The following SEC14L5 variants were observed in gnomAD, a reference collection of about 807,000 sequenced individuals.
The protein encoded by SEC14L5 is SEC14-like protein 5.
A neutral mutation model predicts 84.6 loss-of-function variants in SEC14L5; 96 were observed. That is an observed-to-expected ratio of 1.13 (90% confidence interval 0.96 to 1.34). SEC14L5 has a LOEUF of 1.34. Among genes scored for constraint, SEC14L5 ranks in the 40% most tolerant of loss-of-function variants. The pLI is 0.00. For synonymous variants in SEC14L5, 546 were observed against 383.4 expected, an observed-to-expected ratio of 1.42 and a Z score of -4.95; for missense variants, 1,224 against 942.5, an observed-to-expected ratio of 1.30 and a Z score of -3.91.
At chr16:4,975,081 G>A (rs1396774179) in intron 2 of SEC14L5, among the ~76,000 whole-genome samples, 9 of 151,934 alleles carry the variant, frequency 5.9e-5, no homozygotes, top group Non-Finnish European at 8.8e-5. Flanking sequence ...CCCAGCTTGC[G>A]TCCTCATATC....
intron 10 of SEC14L5, among the ~76,000 whole-genome samples, chr16:5,002,599 C>T (rs187777159): frequency 8.1e-4 from 124 of 152,260 alleles, no homozygotes; most frequent in African/African-American, 2.9e-3. Context: ...TAATTCACCC[C>T]AGATGGCTCA....
chr16:4,983,857 A>G (rs1402452954), intron 2 of SEC14L5, among the ~76,000 whole-genome samples: 3 of 149,956 alleles, frequency 2.0e-5, no homozygotes, highest in Non-Finnish European at 2.9e-5. Flanking sequence ...ACCCTGGGTG[A>G]CAAGAACAAA....
At chr16:4,966,241 C>T (rs1955198575) in intron 2 of SEC14L5, among the ~76,000 whole-genome samples, 1 of 148,884 alleles carries the variant, frequency 6.7e-6, no homozygotes, top group Admixed American at 6.7e-5. Context: ...GCTGGGATTA[C>T]AGGCGTGACC....
chr16:5,005,789 G>A (rs930577848), intron 11 of SEC14L5, 125 bp from the exon 12 acceptor site: 27 of 924,330 alleles, frequency 2.9e-5, no homozygotes, highest in African/African-American at 5.1e-5. Context: ...GCGTGAACCC[G>A]GGAGGTGGAG....
chr16:4,974,274 G>A (rs1955314278), intron 2 of SEC14L5, among the ~76,000 whole-genome samples: 1 of 152,000 alleles, frequency 6.6e-6, no homozygotes, highest in East Asian at 1.9e-4. Context: ...GGAGTGCAGT[G>A]GCAGGATCAT....
At chr16:4,989,412 A>C (rs142585194) in intron 4 of SEC14L5, among the ~76,000 whole-genome samples, 410 of 150,756 alleles carry the variant, frequency 2.7e-3, no homozygotes, top group African/African-American at 9.4e-3. Context: ...GGCTCACTGC[A>C]ACCTCCGCCT....
intron 2 of SEC14L5, among the ~76,000 whole-genome samples, chr16:4,981,660 G>C (rs1459520187): frequency 6.6e-6 from 1 of 152,178 alleles, no homozygotes; most frequent in Admixed American, 6.5e-5. Context: ...ACGGTTCTTG[G>C]AGGGAGTGGG....
chr16:5,004,290 C>G lies in SEC14L5; in HGVS notation c.1302+717C>G, dbSNP rs1178165237. Among the ~76,000 whole-genome samples, 3 of 152,050 alleles carry G rather than the reference C, an allele frequency of 2.0e-5. No individual in the cohort carries two copies. The East Asian group carries it at 5.8e-4, about 29-fold the overall frequency. ...GCTTCAAGGCTCTGTTCAGGTGAGG[C>G]TAGGGGGCAGGAGCTGCTTCTGAAG... On this transcript the variant is annotated intron_variant, in intron 11 of 15. Transcript: ENST00000251170.
rs1208187431 is a variant in SEC14L5, at chr16:5,017,174, A to T, written c.*2204A>T. On this transcript the variant is annotated 3_prime_UTR_variant, in exon 16 of 16. Coordinates refer to ENST00000251170, the MANE Select transcript of SEC14L5 (RefSeq NM_014692.2). The stretch of plus-strand genomic sequence containing the variant: ...GAAGGAAGCTGGAACTGCCTGTTCC[A>T]GAGGCGGGTGGGGGGAGGGGAGTCT... 1.7e-5 allele frequency: 1 copy of T among 58,654 alleles called. No individual in the cohort carries two copies. Among genetic ancestry groups the T allele is most frequent in the African/African-American group, 6.7e-5 (1 of 14,976 alleles). The allele number at this position is 58,654 out of a possible 1,614,324, so 3.6% of individuals were successfully genotyped here.
In SEC14L5 at chr16:4,988,292, C is replaced by A; in HGVS notation, c.345+12C>A. The A allele has an allele frequency of 6.2e-7, 1 of 1,612,832 alleles. No homozygotes were observed. The highest frequency in any genetic ancestry group is 1.3e-5 in the African/African-American group (1 of 75,026). On this transcript the variant is annotated intron_variant, in intron 4 of 15. Coordinates refer to ENST00000251170, the MANE Select transcript of SEC14L5 (RefSeq NM_014692.2). ...ACTGCAGCTACACGGTGAGCCCAGGCCACCCTCAGCGCCCACGCCCGGCAC... is the reference window on the plus strand; with the variant it reads ...ACTGCAGCTACACGGTGAGCCCAGGACACCCTCAGCGCCCACGCCCGGCAC...
chr16:4,959,299 CCTCCATTGGTG>C lies in SEC14L5; in HGVS notation c.-19_-9del. Reference sequence around the variant, plus strand: ...CTCTGTGCACACCCCTGCCTGGTGACCTCCATTGGTGCTCCAGCGTGAACATGGTGCAAAGA... The same window carrying C: ...CTCTGTGCACACCCCTGCCTGGTGACCTCCAGCGTGAACATGGTGCAAAGA... On this transcript the variant is annotated 5_prime_UTR_variant, in exon 2 of 16. Transcript: ENST00000251170. 1 of 1,602,810 alleles carries C rather than the reference CCTCCATTGGTG, an allele frequency of 6.2e-7. No individual in the cohort carries two copies. The highest frequency in any genetic ancestry group is 1.1e-5 in the South Asian group (1 of 90,840).
At chr16:4,983,831 C>T (rs1194236739) in intron 2 of SEC14L5, among the ~76,000 whole-genome samples, 2 of 151,454 alleles carry the variant, frequency 1.3e-5, no homozygotes, top group Non-Finnish European at 1.5e-5. Flanking sequence ...GAGCCGAGAT[C>T]GCGCCATTGT....
chr16:4,988,099 G>A lies in SEC14L5; in HGVS notation c.214-50G>A, dbSNP rs750626338. ...CGCCGGACTCGCTCTCCATTCCTGT[G>A]TGCTCCACGCCGCCCACCCACCTCC... On this transcript the variant is annotated intron_variant, in intron 3 of 15. Coordinates refer to ENST00000251170, the MANE Select transcript of SEC14L5 (RefSeq NM_014692.2). The A allele has an allele frequency of 1.4e-5, 22 of 1,605,162 alleles. No homozygotes were observed. In the South Asian group the frequency reaches 2.1e-4, roughly 15 times the overall value.
chr16:5,006,563 G>T (rs1340591903), intron 12 of SEC14L5, among the ~76,000 whole-genome samples: 2 of 152,182 alleles, frequency 1.3e-5, no homozygotes, highest in Non-Finnish European at 1.5e-5. Context: ...ACAGGCTGGG[G>T]TGATCCTAGG....
chr16:4,990,414 T>C (rs1955540237), intron 4 of SEC14L5, among the ~76,000 whole-genome samples: 1 of 152,248 alleles, frequency 6.6e-6, no homozygotes, highest in African/African-American at 2.4e-5. Context: ...TCGCCCACCT[T>C]GGGCTCCCAA....
rs767893214 is a variant in SEC14L5, at chr16:4,991,905, G to C, written c.542G>C (p.Trp181Ser). The stretch of plus-strand genomic sequence containing the variant: ...CAGGGTACCTCGCACATTCCGCGCT[G>C]GACGCCTGCCCCAGTCCGTGAGGAG... ...ISQGTSHIPRWTPAPVREEDA... is the reference protein window; with the variant it reads ...ISQGTSHIPRSTPAPVREEDA... The change falls in exon 6 of 16, where the codon TGG becomes TCG. Residue 181 changes from tryptophan to serine, a missense_variant. Coordinates refer to ENST00000251170, the MANE Select transcript of SEC14L5 (RefSeq NM_014692.2). 6.2e-7 allele frequency: 1 copy of C among 1,608,618 alleles called. No individual in the cohort carries two copies.
At chr16:4,970,216 G>A (rs1955258603) in intron 2 of SEC14L5, among the ~76,000 whole-genome samples, 1 of 152,166 alleles carries the variant, frequency 6.6e-6, no homozygotes. Flanking sequence ...TCATCATGGG[G>A]AAAAACAGGG....
chr16:4,980,167 G>T (rs1384071051), intron 2 of SEC14L5, among the ~76,000 whole-genome samples: 1 of 152,214 alleles, frequency 6.6e-6, no homozygotes, highest in Non-Finnish European at 1.5e-5. Context: ...GCATTGTAAG[G>T]ATGAAGCGAG....
chr16:5,011,743 C>T (rs752022001), intron 15 of SEC14L5, among the ~76,000 whole-genome samples: 23 of 152,190 alleles, frequency 1.5e-4, no homozygotes, highest in Non-Finnish European at 2.5e-4. Context: ...AATCACTTTT[C>T]CTCTTTGAGC....
Sources: gnomAD v4.1 joint callset for allele counts (sites outside exome capture counted in the v4.1 genomes callset) on GRCh38, gnomAD v4.1.1 for gene constraint, MANE v1.5 for transcripts, NCBI Gene and HGNC (gene_info 2026-07-23, HGNC 2026-07-21) for gene names.